Variants in PLSCR2 observed in about 807,000 individuals in gnomAD.
PLSCR2 encodes the protein phospholipid scramblase 2, also known as PL scramblase 2.
In PLSCR2, 18 loss-of-function variants were observed where a neutral mutation model predicts 25.3. The ratio of observed to expected loss-of-function variants is 0.71; its 90% CI spans 0.49 to 1.06. The LOEUF (loss-of-function observed/expected upper bound fraction) is 1.06. Among genes scored for constraint, PLSCR2 ranks in the 50% least tolerant of loss-of-function variants. PLSCR2 has a pLI of 0.00. For synonymous variants in PLSCR2, 88 were observed against 87.3 expected, an observed-to-expected ratio of 1.01 and a Z score of -0.04; for missense variants, 243 against 269.5, an observed-to-expected ratio of 0.90 and a Z score of 0.69.
chr3:146,414,443 A>C (rs1423463661), intron 2 of PLSCR2, among the ~76,000 whole-genome samples: 1 of 152,240 alleles, frequency 6.6e-6, no homozygotes, highest in Admixed American at 6.5e-5. Flanking sequence ...GATCTTGCAT[A>C]AAATAAAACA....
At chr3:146,495,855 G>A in intron 1 of PLSCR2, 1 of 1,490,186 alleles carries the variant, frequency 6.7e-7, no homozygotes, top group South Asian at 1.2e-5. Flanking sequence ...ATCAACATTT[G>A]AAGCACGTTA....
Position 146,397,619 on chromosome 3 carries a change from G to GA in PLSCR2, c.101-1699dup, listed in dbSNP as rs1385248957. Among the ~76,000 whole-genome samples, 3 of 152,080 alleles carry GA rather than the reference G, an allele frequency of 2.0e-5. No individual in the cohort carries two copies. In the East Asian group the frequency reaches 5.8e-4, roughly 29 times the overall value. Reference sequence around the variant, plus strand: ...CTTTAAAATTGTTTCGCTTCAAACAGAAAAAATAGGAAGTGTTTTATATAA... The same window carrying GA: ...CTTTAAAATTGTTTCGCTTCAAACAGAAAAAAATAGGAAGTGTTTTATATAA... On this transcript the variant is annotated intron_variant and NMD_transcript_variant, in intron 2 of 3. Transcript: ENST00000463633.
At chr3:146,485,674 G>A (rs487578) in intron 1 of PLSCR2, among the ~76,000 whole-genome samples, 50,125 of 151,938 alleles carry the variant, frequency 0.33, 8,334 homozygotes, top group South Asian at 0.41. Flanking sequence ...GCTATCTGAA[G>A]ATTGAACAAC....
chr3:146,444,767 ATAAG>A (rs1157455215), intron 6 of PLSCR2, among the ~76,000 whole-genome samples: 2 of 151,936 alleles, frequency 1.3e-5, no homozygotes, highest in African/African-American at 4.8e-5. Flanking sequence ...GCCATTATTG[ATAAG>A]TAAGGACTTA....
At chr3:146,477,061 C>G (rs546440393) in intron 1 of PLSCR2, among the ~76,000 whole-genome samples, 1 of 152,202 alleles carries the variant, frequency 6.6e-6, no homozygotes, top group Non-Finnish European at 1.5e-5. Flanking sequence ...TGGGTGAGAA[C>G]CCCCGCAAAC....
intron 2 of PLSCR2, among the ~76,000 whole-genome samples, chr3:146,402,477 T>C (rs11917946): frequency 3.3e-5 from 5 of 152,122 alleles, no homozygotes; most frequent in South Asian, 2.1e-4. Context: ...GTGTTTTTTT[T>C]TTCTTTTTGA....
At chr3:146,479,257 G>T (rs1309035447) in intron 1 of PLSCR2, among the ~76,000 whole-genome samples, 2 of 152,186 alleles carry the variant, frequency 1.3e-5, no homozygotes, top group African/African-American at 4.8e-5. Context: ...AACCTTAAAT[G>T]TAGATGGACT....
At chr3:146,453,892 G>T in intron 5 of PLSCR2, 110 bp downstream of exon 5, 2 of 772,026 alleles carry the variant, frequency 2.6e-6, no homozygotes, top group Non-Finnish European at 3.8e-6. Context: ...ACATTATCTT[G>T]CTATTGAGAC....
At chr3:146,463,266 T>TC (rs2041705076), upstream of PLSCR2, among the ~76,000 whole-genome samples, 1 of 152,080 alleles carries the variant, frequency 6.6e-6, no homozygotes, top group Non-Finnish European at 1.5e-5. Flanking sequence ...AAGCTCCGCC[T>TC]CCCAGATTCA....
upstream of PLSCR2, among the ~76,000 whole-genome samples, chr3:146,464,223 T>C (rs945406407): frequency 2.0e-5 from 3 of 152,216 alleles, no homozygotes. Flanking sequence ...GTAACTAGAC[T>C]AACTAGGGTA....
intron 2 of PLSCR2, among the ~76,000 whole-genome samples, chr3:146,422,021 C>T (rs2039169783): frequency 6.6e-6 from 1 of 151,988 alleles, no homozygotes; most frequent in African/African-American, 2.4e-5. Context: ...CAGTTCTGGT[C>T]AATATGAGTC....
At chr3:146,431,962 T>C (rs546067634), downstream of PLSCR2, among the ~76,000 whole-genome samples, 4 of 152,328 alleles carry the variant, frequency 2.6e-5, no homozygotes, top group South Asian at 8.3e-4. Flanking sequence ...TACTTGATTT[T>C]CTTTTATCCC....
intron 1 of PLSCR2, among the ~76,000 whole-genome samples, chr3:146,491,355 A>G (rs1406411246): frequency 6.6e-6 from 1 of 152,032 alleles, no homozygotes; most frequent in African/African-American, 2.4e-5. Context: ...CTTGTACAGT[A>G]TCTTACAGGG....
intron 1 of PLSCR2, among the ~76,000 whole-genome samples, chr3:146,468,540 T>C (rs1246547350): frequency 6.6e-6 from 1 of 152,048 alleles, no homozygotes; most frequent in Non-Finnish European, 1.5e-5. Flanking sequence ...ATATTTAAAA[T>C]AATAAACGCT....
intron 1 of PLSCR2, among the ~76,000 whole-genome samples, chr3:146,472,110 T>C: frequency 6.6e-6 from 1 of 152,264 alleles, no homozygotes; most frequent in Non-Finnish European, 1.5e-5. Context: ...TGTAATTTTA[T>C]TGTAGTGCAA....
At chr3:146,441,097 T>A (rs2040215250), downstream of PLSCR2, among the ~76,000 whole-genome samples, 1 of 152,120 alleles carries the variant, frequency 6.6e-6, no homozygotes, top group South Asian at 2.1e-4. Flanking sequence ...AATTGCTAAT[T>A]TATCATGTAG....
chr3:146,422,458 G>A lies in PLSCR2; in HGVS notation c.101-26537C>T, dbSNP rs2039185123. On this transcript the variant is annotated intron_variant and NMD_transcript_variant, in intron 2 of 3. Coordinates refer to the PLSCR2 transcript ENST00000463633. ...GTGGCTGAAATTCCTGGTAAATAGAGAGGACAGGGACAGCAACCTAATTGA... is the reference window on the plus strand; with the variant it reads ...GTGGCTGAAATTCCTGGTAAATAGAAAGGACAGGGACAGCAACCTAATTGA... 2.0e-5 allele frequency among the ~76,000 whole-genome samples: 3 copies of A among 152,176 alleles called. No homozygotes were observed. The South Asian group carries it at 6.2e-4, about 32-fold the overall frequency.
chr3:146,431,928 G>C (rs1018719127), downstream of PLSCR2, among the ~76,000 whole-genome samples: 2 of 148,932 alleles, frequency 1.3e-5, no homozygotes, highest in African/African-American at 2.5e-5. Flanking sequence ...GTGATGCTGT[G>C]TCTTAGTGCA....
rs1164992834 is a variant in PLSCR2 at position 146,454,173 on chromosome 3, T to C, written c.322-10A>G. ...GAGCTTGGATTTCTATCTACAAAAG[T>C]AAAATATGTGTGAACGTAATAAATC... On this transcript the variant is annotated splice_polypyrimidine_tract_variant and intron_variant, in intron 4 of 6. Coordinates refer to ENST00000610787, the Ensembl canonical transcript of PLSCR2. The C allele has an allele frequency of 1.9e-6, 3 of 1,556,924 alleles. No individual in the cohort carries two copies. In the African/African-American group the frequency reaches 4.2e-5, roughly 22 times the overall value.
Sources: gnomAD v4.1 joint callset for allele counts (sites outside exome capture counted in the v4.1 genomes callset) on GRCh38, gnomAD v4.1.1 for gene constraint, MANE v1.5 for transcripts, NCBI Gene and HGNC (gene_info 2026-07-23, HGNC 2026-07-21) for gene names.